KATNAL1: variants seen among roughly 807,000 people sequenced by gnomAD.
KATNAL1 encodes the protein katanin catalytic subunit A1 like 1.
A neutral mutation model predicts 55.2 loss-of-function variants in KATNAL1; 32 were observed. The ratio of observed to expected loss-of-function variants is 0.58; its 90% CI spans 0.44 to 0.78. KATNAL1 has a LOEUF of 0.78. Ranked by LOEUF, KATNAL1 falls within the 30% of genes least tolerant of loss-of-function variation. The pLI, the probability that KATNAL1 is intolerant of heterozygous loss-of-function variation, is 0.00. For missense variants in KATNAL1, 466 were observed against 600.9 expected (o/e 0.78, Z 2.35); for synonymous variants, 193 against 193.6 (o/e 1.00, Z 0.02).
At chr13:30,246,270 C>G (rs1289813281) in intron 4 of KATNAL1, among the ~76,000 whole-genome samples, 3 of 152,118 alleles carry the variant, frequency 2.0e-5, no homozygotes, top group Non-Finnish European at 2.9e-5. Flanking sequence ...CTTTGACAAA[C>G]CTGACAAAAA....
chr13:30,284,220 C>T (rs1881621319), intron 1 of KATNAL1, among the ~76,000 whole-genome samples: 7 of 152,112 alleles, frequency 4.6e-5, no homozygotes, highest in Admixed American at 4.6e-4. Flanking sequence ...ATGCATCTTA[C>T]AACACTAAAC....
Position 30,283,658 on chromosome 13 carries a change from G to A in KATNAL1, c.120C>T (p.Cys40=). ...QGVMQQIQRH[C]QSVRDPAIKG... is the part of the protein sequence containing the mutation. ...TGATAGCTGGATCTCTGACTGACTG[G>A]CAATGTCTCTGAATCTGCTGCATCA... Residue 40 remains cysteine, a synonymous_variant, in exon 2 of 11, where the codon TGC becomes TGT. Transcript: ENST00000380615. The A allele has an allele frequency of 1.3e-5, 21 of 1,613,694 alleles. No individual in the cohort carries two copies. The highest frequency in any genetic ancestry group is 1.8e-5 in the Non-Finnish European group (21 of 1,179,876).
intron 4 of KATNAL1, among the ~76,000 whole-genome samples, chr13:30,255,082 T>C (rs552042464): frequency 1.3e-5 from 2 of 152,346 alleles, no homozygotes; most frequent in Non-Finnish European, 2.9e-5. Context: ...TCTTATTCTG[T>C]GAACAGATAC....
chr13:30,259,660 C>T (rs994466820), intron 3 of KATNAL1, among the ~76,000 whole-genome samples: 1 of 152,240 alleles, frequency 6.6e-6, no homozygotes, highest in African/African-American at 2.4e-5. Flanking sequence ...CTGCGCTTTT[C>T]TGACGGTCTT....
intron 3 of KATNAL1, among the ~76,000 whole-genome samples, chr13:30,258,974 A>C (rs1879015701): frequency 1.3e-5 from 2 of 152,228 alleles, no homozygotes; most frequent in Admixed American, 1.3e-4. Flanking sequence ...GGAATCTTTA[A>C]AATATTATTA....
At chr13:30,257,376 A>G (rs1878882540) in intron 3 of KATNAL1, among the ~76,000 whole-genome samples, 1 of 152,190 alleles carries the variant, frequency 6.6e-6, no homozygotes, top group Non-Finnish European at 1.5e-5. Flanking sequence ...TTCACCTGCT[A>G]TTTAAATAGT....
chr13:30,303,661 G>C (rs969018390), intron 1 of KATNAL1, among the ~76,000 whole-genome samples: 1 of 152,128 alleles, frequency 6.6e-6, no homozygotes, highest in African/African-American at 2.4e-5. Context: ...TCACAAATCA[G>C]TCCAGACATT....
At chr13:30,273,056 G>A (rs1336011350) in intron 3 of KATNAL1, among the ~76,000 whole-genome samples, 2 of 152,090 alleles carry the variant, frequency 1.3e-5, no homozygotes, top group Non-Finnish European at 2.9e-5. Context: ...ATCTCCTCTT[G>A]TCACCTCAAG....
intron 3 of KATNAL1, among the ~76,000 whole-genome samples, chr13:30,257,727 C>T (rs966975523): frequency 3.3e-5 from 5 of 152,166 alleles, no homozygotes; most frequent in Non-Finnish European, 7.3e-5. Flanking sequence ...CATTACTGAC[C>T]TTGTTCTGCC....
At chr13:30,251,204 AC>A (rs1878272414) in intron 4 of KATNAL1, among the ~76,000 whole-genome samples, 2 of 152,074 alleles carry the variant, frequency 1.3e-5, no homozygotes, top group South Asian at 4.2e-4. Flanking sequence ...CAAAACAAAA[AC>A]ATTTCTTCTG....
In KATNAL1 at chr13:30,208,563, T is replaced by C. The variant is rs765697065; in HGVS notation, c.1450A>G (p.Met484Val). 1 of 1,593,668 alleles carries C rather than the reference T, an allele frequency of 6.3e-7. No homozygotes were observed. Reference sequence around the variant, plus strand: ...ATTCAAGCAGATCCAAATTCAACCATCCATTTTTCATACTTCTCCAAGTCT... The same window carrying C: ...ATTCAAGCAGATCCAAATTCAACCACCCATTTTTCATACTTCTCCAAGTCT... ...AADLEKYEKW[M>V]VEFGSA The change falls in exon 11 of 11, where the codon ATG becomes GTG. Residue 484 changes from methionine (M) to valine (V), a missense_variant. By Grantham distance (21) the Met-to-Val change is conservative. Coordinates refer to ENST00000380615, the MANE Select transcript of KATNAL1 (RefSeq NM_032116.5).
intron 1 of KATNAL1, 78 bp from the exon 2 acceptor site, chr13:30,283,869 T>A: frequency 9.9e-7 from 1 of 1,006,316 alleles, no homozygotes; most frequent in Non-Finnish European, 1.4e-6. Flanking sequence ...AAAATATGTT[T>A]AAAACTACTT....
chr13:30,285,239 G>C (rs1024232906), intron 1 of KATNAL1, among the ~76,000 whole-genome samples: 1 of 152,184 alleles, frequency 6.6e-6, no homozygotes, highest in African/African-American at 2.4e-5. Context: ...TGTATTACTT[G>C]AGAATCACAC....
intron 9 of KATNAL1, among the ~76,000 whole-genome samples, chr13:30,215,086 AAAC>A (rs1261575486): frequency 1.3e-5 from 2 of 151,554 alleles, no homozygotes; most frequent in Admixed American, 1.3e-4. Context: ...AGAAAAAAAC[AAAC>A]AACCCCATCA....
intron 4 of KATNAL1, among the ~76,000 whole-genome samples, chr13:30,246,811 T>C (rs138600666): frequency 0.023 from 3,468 of 152,248 alleles, 70 homozygotes; most frequent in Non-Finnish European, 0.035. Flanking sequence ...CACTGGTCAT[T>C]AGAGAAATGC....
At chr13:30,292,800 C>T (rs1187299677) in intron 1 of KATNAL1, among the ~76,000 whole-genome samples, 1 of 152,134 alleles carries the variant, frequency 6.6e-6, no homozygotes, top group Non-Finnish European at 1.5e-5. Flanking sequence ...CTTTATTCTA[C>T]CCTCATACTT....
At chr13:30,277,758 C>T (rs955341134) in intron 3 of KATNAL1, among the ~76,000 whole-genome samples, 2 of 151,630 alleles carry the variant, frequency 1.3e-5, no homozygotes, top group African/African-American at 2.4e-5. Context: ...CCGAGGCGGG[C>T]GGATCACGAG....
chr13:30,291,132 T>C (rs1882107129), intron 1 of KATNAL1, among the ~76,000 whole-genome samples: 1 of 152,190 alleles, frequency 6.6e-6, no homozygotes, highest in South Asian at 2.1e-4. Flanking sequence ...GGCATGCAGA[T>C]TGGAAAAGAA....
intron 3 of KATNAL1, among the ~76,000 whole-genome samples, chr13:30,265,234 G>A (rs561585211): frequency 2.0e-5 from 3 of 148,674 alleles, no homozygotes; most frequent in African/African-American, 7.5e-5. Flanking sequence ...GGGGTGGGGG[G>A]ACGGGGGAGG....
Sources: gnomAD v4.1 joint callset for allele counts (sites outside exome capture counted in the v4.1 genomes callset) on GRCh38, gnomAD v4.1.1 for gene constraint, MANE v1.5 for transcripts, NCBI Gene and HGNC (gene_info 2026-07-23, HGNC 2026-07-21) for gene names.